FAM184A: variants seen among roughly 807,000 people sequenced by gnomAD.
FAM184A encodes protein FAM184A.
In FAM184A, 99 loss-of-function variants were observed where a neutral mutation model predicts 143.8. The observed-to-expected ratio is 0.69, with a 90% CI of 0.58 to 0.81. FAM184A has a LOEUF of 0.81. Among genes scored for constraint, FAM184A ranks in the 40% least tolerant of loss-of-function variants. FAM184A has a pLI of 0.00. For missense variants in FAM184A, 1,217 were observed against 1,310.5 expected, an observed-to-expected ratio of 0.93 and a Z score of 1.10; for synonymous variants, 427 against 446.4, an observed-to-expected ratio of 0.96 and a Z score of 0.55.
At position 119,096,368 on chromosome 6, in the gene FAM184A, G is replaced by A. The variant is rs1389106209; in HGVS notation, c.-202+52710C>T. Among the ~76,000 whole-genome samples, 2 of 31,586 alleles carry A rather than the reference G, an allele frequency of 6.3e-5. 1 individual carries two copies. The highest frequency in any genetic ancestry group is 1.3e-4 in the Non-Finnish European group (2 of 15,158). 20.7% of individuals were successfully genotyped at this position (31,586 alleles called of 152,430 possible). A position where few individuals can be genotyped will look rare whatever the true frequency, so the allele number is the denominator to read the frequency against. ...AGAAAGAAAAGGGGCCGGGCGCGGT[G>A]GCTCACGCCTGTAATCCCAGCACTT... On this transcript the variant is annotated intron_variant, in intron 1 of 16. Coordinates refer to the FAM184A transcript ENST00000352896.
chr6:119,040,180 C>T (rs1014211149), intron 1 of FAM184A, among the ~76,000 whole-genome samples: 11 of 152,142 alleles, frequency 7.2e-5, no homozygotes, highest in African/African-American at 2.4e-4. Context: ...TGTTTTTCTG[C>T]TTTATGCCCC....
chr6:118,982,973 T>G (rs1450654875), intron 9 of FAM184A, among the ~76,000 whole-genome samples: 2 of 152,140 alleles, frequency 1.3e-5, no homozygotes, highest in Non-Finnish European at 2.9e-5. Flanking sequence ...GATTAATCTT[T>G]GTATCTACAC....
intron 1 of FAM184A, among the ~76,000 whole-genome samples, chr6:119,035,629 TAA>T (rs1356545230): frequency 6.6e-6 from 1 of 152,126 alleles, no homozygotes; most frequent in Non-Finnish European, 1.5e-5. Context: ...TTAGGTCTGA[TAA>T]GAGCTCTGAA....
At chr6:118,970,141 T>A (rs1395573557) in intron 14 of FAM184A, among the ~76,000 whole-genome samples, 3 of 149,006 alleles carry the variant, frequency 2.0e-5, no homozygotes, top group African/African-American at 7.4e-5. Flanking sequence ...GTAGCTGGGA[T>A]TACAAGTGTC....
chr6:119,119,174 T>A (rs1789141440), intron 1 of FAM184A, among the ~76,000 whole-genome samples: 1 of 151,892 alleles, frequency 6.6e-6, no homozygotes, highest in Non-Finnish European at 1.5e-5. Flanking sequence ...TAAGATGTTA[T>A]CAATGACAAT....
intron 1 of FAM184A, among the ~76,000 whole-genome samples, chr6:119,071,821 G>A (rs888813795): frequency 1.3e-5 from 2 of 151,378 alleles, no homozygotes; most frequent in Non-Finnish European, 2.9e-5. Flanking sequence ...TAAAATGAGA[G>A]GGTCAGCCTG....
At chr6:118,966,748 A>C in intron 15 of FAM184A, 87 bp downstream of exon 15, 1 of 571,416 alleles carries the variant, frequency 1.8e-6, no homozygotes, top group Non-Finnish European at 3.1e-6. Context: ...ATTTTCACTT[A>C]GCATTACTTA....
intron 1 of FAM184A, among the ~76,000 whole-genome samples, chr6:119,148,257 G>A (rs1772521124): frequency 6.6e-6 from 1 of 152,184 alleles, no homozygotes. Context: ...GATCTCCTGA[G>A]TGAGGTGCAT....
At chr6:119,023,822 TAAA>T (rs11353751) in intron 2 of FAM184A, 134 bp downstream of exon 2, 7,294 of 408,984 alleles carry the variant, frequency 0.018, no homozygotes, top group South Asian at 0.025. Context: ...CAGGAAAAGT[TAAA>T]AAAAAAAAAA....
chr6:118,976,889 T>G (rs1332292801), intron 11 of FAM184A, among the ~76,000 whole-genome samples: 1 of 152,004 alleles, frequency 6.6e-6, no homozygotes, highest in Non-Finnish European at 1.5e-5. Flanking sequence ...GGATGAAATA[T>G]AATGACAACA....
At chr6:118,972,412 G>A (rs1783722925) in intron 14 of FAM184A, among the ~76,000 whole-genome samples, 1 of 152,040 alleles carries the variant, frequency 6.6e-6, no homozygotes. Context: ...ATATAAATTT[G>A]GTGTGTGTTT....
chr6:119,083,670 A>G (rs889060780), intron 1 of FAM184A, among the ~76,000 whole-genome samples: 4 of 152,172 alleles, frequency 2.6e-5, no homozygotes, highest in African/African-American at 9.7e-5. Flanking sequence ...CCAGTTCCCA[A>G]TAAGTTCCTC....
chr6:119,047,297 C>T (rs1164530177), intron 1 of FAM184A, among the ~76,000 whole-genome samples: 1 of 152,074 alleles, frequency 6.6e-6, no homozygotes, highest in Non-Finnish European at 1.5e-5. Flanking sequence ...TAAATGAGTA[C>T]AATCACTATG....
At chr6:119,018,349 T>C (rs1785334857) in intron 4 of FAM184A, among the ~76,000 whole-genome samples, 1 of 152,190 alleles carries the variant, frequency 6.6e-6, no homozygotes, top group Non-Finnish European at 1.5e-5. Flanking sequence ...GATAAGAAAA[T>C]GTCAAGCCTA....
intron 1 of FAM184A, among the ~76,000 whole-genome samples, chr6:119,113,717 G>T (rs1788991713): frequency 6.6e-6 from 1 of 152,090 alleles, no homozygotes; most frequent in Non-Finnish European, 1.5e-5. Flanking sequence ...GAGGTGAGTG[G>T]ATCACTTGAG....
chr6:119,007,922 G>A (rs1784974952), intron 6 of FAM184A, among the ~76,000 whole-genome samples: 1 of 150,562 alleles, frequency 6.6e-6, no homozygotes, highest in Non-Finnish European at 1.5e-5. Flanking sequence ...CCTGGCAACA[G>A]AGCAAGACTC....
intron 7 of FAM184A, among the ~76,000 whole-genome samples, chr6:119,004,872 G>A (rs188881675): frequency 6.6e-6 from 1 of 152,188 alleles, no homozygotes; most frequent in Admixed American, 6.5e-5. Flanking sequence ...AATACTCAGT[G>A]CCAGGACAGC....
chr6:119,044,246 C>A (rs1026777450), intron 1 of FAM184A, among the ~76,000 whole-genome samples: 3 of 152,118 alleles, frequency 2.0e-5, no homozygotes, highest in Non-Finnish European at 4.4e-5. Context: ...GCAGATGATA[C>A]AATTTTTTTA....
At position 119,024,085 on chromosome 6, in the gene FAM184A, T is replaced by C. The variant is rs1344378916; in HGVS notation, c.888A>G (p.Ala296=). The C allele has an allele frequency of 6.2e-7, 1 of 1,614,114 alleles. No homozygotes were observed. Among genetic ancestry groups the C allele is most frequent in the Non-Finnish European group, 8.5e-7 (1 of 1,180,044 alleles). Residue 296 remains alanine (A), a synonymous_variant, in exon 2 of 18, where the codon GCA becomes GCG. Coordinates refer to ENST00000338891, the MANE Select transcript of FAM184A (RefSeq NM_024581.6). Reference sequence around the variant, plus strand: ...ATTTTCCTATAGTTTTTCGTAAAATTGCTTCTTGTCCCTGAAATTCTTTTC... The same window carrying C: ...ATTTTCCTATAGTTTTTCGTAAAATCGCTTCTTGTCCCTGAAATTCTTTTC... ...DLRKEFQGQE[A]ILRKTIGKLK... is the part of the protein sequence containing the mutation.
Sources: gnomAD v4.1 joint callset for allele counts (sites outside exome capture counted in the v4.1 genomes callset) on GRCh38, gnomAD v4.1.1 for gene constraint, MANE v1.5 for transcripts, NCBI Gene and HGNC (gene_info 2026-07-23, HGNC 2026-07-21) for gene names.